Variants in RUNDC1 observed in about 807,000 individuals in gnomAD.
RUNDC1 encodes the protein RUN domain containing 1, also known as RUN domain-containing protein 1.
RUNDC1 carries 31 observed loss-of-function variants against 49.3 expected under a neutral mutation model. That is an observed-to-expected ratio of 0.63 (90% CI 0.47 to 0.85). The LOEUF is 0.85. Among genes scored for constraint, RUNDC1 ranks in the 40% least tolerant of loss-of-function variants. The probability of loss-of-function intolerance (pLI) is 0.00; values close to 1 mark genes in which losing one functional copy is unlikely to be tolerated. For missense variants in RUNDC1, 715 were observed against 806.7 expected, an observed-to-expected ratio of 0.89 and a Z score of 1.38; for synonymous variants, 347 against 348.6, an observed-to-expected ratio of 1.00 and a Z score of 0.05.
chr17:42,989,597 T>A, intron 3 of RUNDC1, 58 bp downstream of exon 3: 1 of 1,464,182 alleles, frequency 6.8e-7, no homozygotes, highest in Non-Finnish European at 9.6e-7. Flanking sequence ...TTATACTTAT[T>A]CTAAGTACTA....
At chr17:42,986,140 C>T (rs1231836757) in intron 1 of RUNDC1, among the ~76,000 whole-genome samples, 1 of 148,040 alleles carries the variant, frequency 6.8e-6, no homozygotes, top group Non-Finnish European at 1.5e-5. Context: ...ACTGGGACCA[C>T]CATGCCACCA....
chr17:42,982,323 A>G (rs570780065), intron 1 of RUNDC1, among the ~76,000 whole-genome samples: 9 of 152,188 alleles, frequency 5.9e-5, no homozygotes, highest in Admixed American at 1.3e-4. Flanking sequence ...TACAATCTAC[A>G]TGTGGCTTTC....
rs774726247 is a variant in RUNDC1, at chr17:42,991,537, G to T, written c.1663G>T (p.Val555Leu). 2 of 1,614,116 alleles carry T rather than the reference G, an allele frequency of 1.2e-6. No homozygotes were observed. Among genetic ancestry groups the T allele is most frequent in the Admixed American group, 3.3e-5 (2 of 60,012 alleles). ...ALNEQRLVSW[V>L]NLICKSGSLI... is the part of the protein sequence containing the mutation. ...GAATGAGCAGCGTCTGGTGTCCTGG[G>T]TGAACCTCATCTGCAAGTCCGGGTC... Residue 555 changes from valine (V) to leucine (L), a missense_variant, in exon 5 of 5, where the codon GTG (valine) becomes TTG (leucine). Val to Leu is a conservative substitution (Grantham distance 32, BLOSUM62 1). Around this residue, in one of 5 missense-constraint regions of RUNDC1, gnomAD observed 425 missense variants for 499.7 expected, o/e 0.85. Transcript: ENST00000361677.
At chr17:42,987,932 A>T (rs540430606) in intron 2 of RUNDC1, among the ~76,000 whole-genome samples, 1 of 152,086 alleles carries the variant, frequency 6.6e-6, no homozygotes, top group South Asian at 2.1e-4. Context: ...TTGTATTTTC[A>T]GGAGAGATGG....
Position 42,991,235 on chromosome 17 carries a change from C to T in RUNDC1, c.1361C>T (p.Ala454Val), listed in dbSNP as rs781026704. ...TCCCCAGGGATGAGCCTTGTTATGG[C>T]TCCTATTGCTTGTTTGCTGCCAGCC... ...ASSPGMSLVMAPIACLLPAFS... is the reference protein window; with the variant it reads ...ASSPGMSLVMVPIACLLPAFS... Residue 454 changes from alanine (A) to valine (V), a missense_variant, in exon 5 of 5, where the codon GCT becomes GTT. By Grantham distance (64) the Ala-to-Val change is moderately conservative. Coordinates refer to ENST00000361677, the MANE Select transcript of RUNDC1 (RefSeq NM_173079.5). 1.5e-5 allele frequency: 24 copies of T among 1,614,206 alleles called. No individual in the cohort carries two copies. The Admixed American group carries it at 3.8e-4, about 26-fold the overall frequency.
At chr17:42,988,782 C>A (rs776415929) in intron 2 of RUNDC1, among the ~76,000 whole-genome samples, 1 of 151,838 alleles carries the variant, frequency 6.6e-6, no homozygotes, top group East Asian at 1.9e-4. Flanking sequence ...AGTTTGAGGC[C>A]AGCCTGAGCA....
Position 42,991,228 on chromosome 17 carries a change from G to A in RUNDC1, c.1354G>A (p.Val452Ile), listed in dbSNP as rs1567733152. The change falls in exon 5 of 5, where the codon GTT becomes ATT. Residue 452 changes from valine to isoleucine, a missense_variant. Val to Ile is a conservative substitution (Grantham distance 29). Around this residue, in one of 5 missense-constraint regions of RUNDC1, gnomAD observed 425 missense variants for 499.7 expected, o/e 0.85. Transcript: ENST00000361677. ...TGCCTCCTCCCCAGGGATGAGCCTT[G>A]TTATGGCTCCTATTGCTTGTTTGCT... ...LYASSPGMSL[V>I]MAPIACLLPA... 6.2e-7 allele frequency: 1 copy of A among 1,614,224 alleles called. No homozygotes were observed. The highest frequency in any genetic ancestry group is 8.5e-7 in the Non-Finnish European group (1 of 1,180,040).
chr17:42,984,056 ACCT>A (rs2050137963), intron 1 of RUNDC1, among the ~76,000 whole-genome samples: 1 of 147,468 alleles, frequency 6.8e-6, no homozygotes, highest in South Asian at 2.2e-4. Context: ...TGCATCCTCA[ACCT>A]CCTGGGCTCA....
At chr17:42,982,059 T>TACTGCA (rs1215299770) in intron 1 of RUNDC1, 1 of 141,374 alleles carries the variant, frequency 7.1e-6, no homozygotes, top group Non-Finnish European at 1.5e-5. Flanking sequence ...AATTTCTGCT[T>TACTGCA]ACTGCAACCT....
chr17:42,990,265 G>C (rs1161189933), intron 3 of RUNDC1, 52 bp from the exon 4 acceptor site: 1 of 1,584,942 alleles, frequency 6.3e-7, no homozygotes. Flanking sequence ...TTCCTTTAAA[G>C]ATCTGCCATA....
chr17:42,990,706 A>G, intron 4 of RUNDC1, 145 bp from the exon 5 acceptor site: 1 of 945,808 alleles, frequency 1.1e-6, no homozygotes, highest in Non-Finnish European at 1.6e-6. Flanking sequence ...AACCAGAAAA[A>G]GGAAGTCCAG....
chr17:42,983,375 C>CA (rs1555567665), intron 1 of RUNDC1, among the ~76,000 whole-genome samples: 1 of 129,554 alleles, frequency 7.7e-6, no homozygotes, highest in Non-Finnish European at 1.6e-5. Flanking sequence ...TTTCTTTTTC[C>CA]TTTTTTTTTT....
rs1213554022 is a variant in RUNDC1, at chr17:42,992,414, C to A, written c.*698C>A. On this transcript the variant is annotated 3_prime_UTR_variant, in exon 5 of 5. Coordinates refer to ENST00000361677, the MANE Select transcript of RUNDC1 (RefSeq NM_173079.5). Reference sequence around the variant, plus strand: ...TGAAACCCCATCTCTACTAAAAATACAAAAATTAGCTAGGCGGGGTAGTGC... The same window carrying A: ...TGAAACCCCATCTCTACTAAAAATAAAAAAATTAGCTAGGCGGGGTAGTGC... 6.6e-6 allele frequency: 1 copy of A among 151,474 alleles called. No individual in the cohort carries two copies. The allele number at this position is 151,474 out of a possible 1,614,324, so 9.4% of individuals were successfully genotyped here. A position where few individuals can be genotyped will look rare whatever the true frequency, so the allele number is the denominator to read the frequency against.
intron 1 of RUNDC1, among the ~76,000 whole-genome samples, chr17:42,982,217 G>C (rs752634049): frequency 6.6e-6 from 1 of 151,886 alleles, no homozygotes; most frequent in Non-Finnish European, 1.5e-5. Context: ...GAACTCCTGA[G>C]CTCAAGCGAT....
rs1038930663 is a variant in RUNDC1, at chr17:42,994,189, A to C, written c.*2473A>C. 6.6e-6 allele frequency among the ~76,000 whole-genome samples: 1 copy of C among 152,244 alleles called. No individual in the cohort carries two copies. The highest frequency in any genetic ancestry group is 2.4e-5 in the African/African-American group (1 of 41,472). On this transcript the variant is annotated 3_prime_UTR_variant, in exon 5 of 5. Transcript: ENST00000361677. Reference sequence around the variant, plus strand: ...GGCACTTTTAAATCCACTTGTCTGGATATCACTTTGGGTGGTAACTGGTAT... The same window carrying C: ...GGCACTTTTAAATCCACTTGTCTGGCTATCACTTTGGGTGGTAACTGGTAT...
At position 42,980,566 on chromosome 17, in the gene RUNDC1, T is replaced by C. The variant is rs2050058373; in HGVS notation, c.-11T>C. ...GGGGCGCGGCTGACGTGCGGTGGTG[T>C]TTCCGGGAAGATGGCGGCTGTCGAA... On this transcript the variant is annotated 5_prime_UTR_variant, in exon 1 of 5. Coordinates refer to ENST00000361677, the MANE Select transcript of RUNDC1 (RefSeq NM_173079.5). 6.2e-7 allele frequency: 1 copy of C among 1,608,778 alleles called. No individual in the cohort carries two copies. Among genetic ancestry groups the C allele is most frequent in the Non-Finnish European group, 8.5e-7 (1 of 1,179,142 alleles).
intron 1 of RUNDC1, chr17:42,981,866 G>A (rs2050097751): frequency 6.6e-6 from 1 of 152,128 alleles, no homozygotes; most frequent in Non-Finnish European, 1.5e-5. Flanking sequence ...GATTCAGTGT[G>A]CCTACCCCAG....
Position 42,989,447 on chromosome 17 carries a change from A to G in RUNDC1, c.764A>G (p.Gln255Arg), listed in dbSNP as rs1188562656. The part of the protein sequence containing the change: ...LRQRVDAAVA[Q>R]IVNPARVKEQ... ...CAGCGTGTAGATGCAGCAGTGGCTC[A>G]GATCGTCAACCCAGCCCGAGTCAAA... Residue 255 changes from glutamine to arginine, a missense_variant, in exon 3 of 5, where the codon CAG becomes CGG. Gln to Arg is a conservative substitution (Grantham distance 43). Around this residue, in one of 5 missense-constraint regions of RUNDC1, gnomAD observed 425 missense variants for 499.7 expected, o/e 0.85. Transcript: ENST00000361677. 1.2e-6 allele frequency: 2 copies of G among 1,613,928 alleles called. No individual in the cohort carries two copies. The highest frequency in any genetic ancestry group is 1.7e-5 in the Admixed American group (1 of 60,000).
chr17:42,983,794 C>T (rs1315766871), intron 1 of RUNDC1, among the ~76,000 whole-genome samples: 1 of 152,030 alleles, frequency 6.6e-6, no homozygotes, highest in Non-Finnish European at 1.5e-5. Context: ...GCCTCAGCTT[C>T]CCAAGTAGCT....
Sources: allele counts gnomAD v4.1 joint callset (sites outside exome capture counted in the v4.1 genomes callset), GRCh38; gene constraint gnomAD v4.1.1; regional missense constraint gnomAD v4.1.1; transcripts MANE v1.5; gene names NCBI Gene and HGNC (gene_info 2026-07-23, HGNC 2026-07-21).